The following CHCT1 variants were observed in gnomAD, a reference collection of about 807,000 sequenced individuals.
CHCT1 encodes the protein CHD1 helical C-terminal domain containing protein 1.
At chr17:60,422,856 G>T in the CHCT1 span, among the ~76,000 whole-genome samples, 1 of 152,144 alleles carries the variant, frequency 6.6e-6, no homozygotes, top group Non-Finnish European at 1.5e-5. Flanking sequence ...GCCTCTCATT[G>T]TTGGTTATGA....
At chr17:60,421,609 T>C in the CHCT1 span, 1 of 980,552 alleles carries the variant, frequency 1.0e-6, no homozygotes. Context: ...CAACGGTCTC[T>C]CGTCGCCGGG....
At chr17:60,429,298 G>A in the CHCT1 span, 4 of 1,526,422 alleles carry the variant, frequency 2.6e-6, no homozygotes, top group Non-Finnish European at 3.6e-6. Context: ...ATGCGGTGCT[G>A]GGACTCTAAA....
At chr17:60,429,684 C>T in the CHCT1 span, 2 of 800,082 alleles carry the variant, frequency 2.5e-6, no homozygotes, top group Non-Finnish European at 3.8e-6. Context: ...CTCCTCTTCC[C>T]TCCTTTCCAT....
chr17:60,425,772 C>A, the CHCT1 span: 8 of 1,543,994 alleles, frequency 5.2e-6, no homozygotes, highest in African/African-American at 1.4e-5. Context: ...GTGCCCCCTG[C>A]CTCCTCCTAG....
the CHCT1 span, among the ~76,000 whole-genome samples, chr17:60,424,809 G>C: frequency 6.6e-6 from 1 of 151,254 alleles, no homozygotes; most frequent in African/African-American, 2.4e-5. Context: ...GGAGGCCAAG[G>C]TTGCAGTGAG....
chr17:60,421,352 G>A, the CHCT1 span: 1 of 985,374 alleles, frequency 1.0e-6, no homozygotes, highest in Non-Finnish European at 1.2e-6. Context: ...CCAAAGCTCC[G>A]GGCCTCCGGG....
At chr17:60,422,658 G>A in the CHCT1 span, 1 of 1,534,860 alleles carries the variant, frequency 6.5e-7, no homozygotes. Context: ...AGTGGGGTGT[G>A]AGGGAGGGAG....
the CHCT1 span, among the ~76,000 whole-genome samples, chr17:60,425,006 G>A: frequency 6.6e-6 from 1 of 152,104 alleles, no homozygotes; most frequent in Admixed American, 6.5e-5. Context: ...ACTACAGATG[G>A]CAGTTGGTCT....
the CHCT1 span, chr17:60,426,103 T>C: frequency 6.6e-7 from 1 of 1,512,346 alleles, no homozygotes; most frequent in Non-Finnish European, 9.0e-7. Flanking sequence ...TACCTGGGAC[T>C]GCCCATCTGC....
chr17:60,422,012 G>C, the CHCT1 span: 1 of 939,062 alleles, frequency 1.1e-6, no homozygotes, highest in Non-Finnish European at 1.3e-6. Context: ...ATCCCACCCA[G>C]TACCCAGCAC....
chr17:60,429,323 C>T, the CHCT1 span: 22 of 1,586,012 alleles, frequency 1.4e-5, no homozygotes, highest in Non-Finnish European at 1.9e-5. Flanking sequence ...AGGTCCCCCT[C>T]TTCTCAACAC....
the CHCT1 span, chr17:60,422,748 G>C: frequency 8.2e-7 from 1 of 1,223,068 alleles, no homozygotes; most frequent in Non-Finnish European, 1.1e-6. Context: ...CAATGATAGG[G>C]TACCTGAGAT....
the CHCT1 span, chr17:60,421,621 C>T: frequency 2.1e-5 from 21 of 977,940 alleles, no homozygotes; most frequent in Non-Finnish European, 2.6e-5. Flanking sequence ...GTCGCCGGGA[C>T]CCCGCCGTGT....
chr17:60,421,855 C>T, the CHCT1 span: 1 of 985,458 alleles, frequency 1.0e-6, no homozygotes, highest in South Asian at 4.7e-5. Flanking sequence ...GCTGCGCACA[C>T]GAGGCCGGCG....
chr17:60,424,363 C>A, the CHCT1 span, among the ~76,000 whole-genome samples: 2 of 152,210 alleles, frequency 1.3e-5, no homozygotes, highest in Non-Finnish European at 2.9e-5. Context: ...AAATGAATCC[C>A]TGTTCATTCC....
chr17:60,424,701 T>G, the CHCT1 span, among the ~76,000 whole-genome samples: 2 of 151,898 alleles, frequency 1.3e-5, no homozygotes, highest in Non-Finnish European at 2.9e-5. Flanking sequence ...CTGGCCAACA[T>G]GGTCTCTACT....
At chr17:60,422,259 G>A in the CHCT1 span, 1 of 370,394 alleles carries the variant, frequency 2.7e-6, no homozygotes, top group Non-Finnish European at 4.9e-6. Flanking sequence ...GTGGTGTCAG[G>A]ATCAGCATCT....
chr17:60,421,536 C>T, the CHCT1 span: 6 of 985,358 alleles, frequency 6.1e-6, no homozygotes, highest in South Asian at 1.9e-4. Context: ...GAAGGAAGGT[C>T]CGGGAGAAGG....
the CHCT1 span, chr17:60,429,259 G>C: frequency 3.9e-6 from 5 of 1,284,802 alleles, no homozygotes; most frequent in East Asian, 2.5e-5. Context: ...AAGTGTGACC[G>C]GCAGGCAGAC....
Sources: gnomAD v4.1 joint callset for allele counts (sites outside exome capture counted in the v4.1 genomes callset) on GRCh38, gnomAD v4.1.1 for gene constraint, MANE v1.5 for transcripts, NCBI Gene and HGNC (gene_info 2026-07-23, HGNC 2026-07-21) for gene names.